PLXNB3: variants seen among roughly 807,000 people sequenced by gnomAD.
The protein encoded by PLXNB3 is plexin-B3.
PLXNB3 carries 80 observed loss-of-function variants against 125.7 expected under a neutral mutation model. The ratio of observed to expected loss-of-function variants is 0.64; its 90% CI spans 0.53 to 0.77. The LOEUF (loss-of-function observed/expected upper bound fraction) is 0.77. Among genes scored for constraint, PLXNB3 ranks in the 30% least tolerant of loss-of-function variants. The pLI is 0.00. For synonymous variants in PLXNB3, 954 were observed against 783.3 expected (o/e 1.22, Z -3.64); for missense variants, 1,836 against 1,729.3 (o/e 1.06, Z -1.09).
Position 153,769,763 on chromosome X carries a change from AGTCTAGGACCCCCACG to A in PLXNB3, c.1497-41_1497-26del, listed in dbSNP as rs1557060883. ...GGCCCCTGTTGCCGGTCATCCTTGG[AGTCTAGGACCCCCACG>A]GTGACCTGATGGACCCCTGCCTGGC... On this transcript the variant is annotated intron_variant, in intron 6 of 35. Transcript: ENST00000361971. 3.4e-6 allele frequency: 4 copies of A among 1,174,291 alleles called. No homozygotes were observed. The South Asian group carries it at 7.5e-5, about 22-fold the overall frequency.
intron 10 of PLXNB3, 50 bp downstream of exon 10, chrX:153,770,692 C>T (rs1569541872): frequency 1.3e-5 from 16 of 1,205,423 alleles, no homozygotes; most frequent in African/African-American, 1.2e-4. Context: ...CTTCTCCACC[C>T]TTCCCAGACC....
Position 153,771,291 on chromosome X carries a change from C to T in PLXNB3, c.2254-19C>T. On this transcript the variant is annotated intron_variant, in intron 12 of 35. Transcript: ENST00000361971. ...TGCCCTGAGTGGGCACCCAGCCTGA[C>T]CCCACACTCTGCCCACAGTTTTATC... is the stretch of plus-strand genomic sequence containing the variant. The T allele has an allele frequency of 8.5e-7, 1 of 1,181,272 alleles. No individual in the cohort carries two copies. The highest frequency in any genetic ancestry group is 1.8e-5 in the South Asian group (1 of 56,406).
chrX:153,776,186 G>A lies in PLXNB3; in HGVS notation c.4701G>A (p.Gln1567=). The change falls in exon 27 of 36, where the codon CAG becomes CAA. Residue 1567 remains glutamine (Q), a synonymous_variant. Transcript: ENST00000361971. Reference sequence around the variant, plus strand: ...TCTACAAGGGCACCCCCTTCTCCCAGAGGCCCTCAGTGCATGCCCTAGACC... The same window carrying A: ...TCTACAAGGGCACCCCCTTCTCCCAAAGGCCCTCAGTGCATGCCCTAGACC... ...DQVYKGTPFS[Q]RPSVHALDLE... The A allele has an allele frequency of 8.4e-7, 1 of 1,187,312 alleles. No homozygotes were observed. The highest frequency in any genetic ancestry group is 1.9e-5 in the South Asian group (1 of 52,922).
At position 153,770,883 on chromosome X, in the gene PLXNB3, A is replaced by T. The variant is rs976894431; in HGVS notation, c.2136A>T (p.Arg712=). 8.3e-6 allele frequency: 10 copies of T among 1,204,202 alleles called. No homozygotes were observed. The highest frequency in any genetic ancestry group is 1.1e-5 in the Non-Finnish European group (10 of 891,014). The part of the protein sequence containing the change: ...ALRVRNLQHF[R]GLPASFHCWL... ...GCGTGCGGAACCTTCAACATTTCCGAGTGAGCCATCAGGAGGGAAGGGGAC... is the reference window on the plus strand; with the variant it reads ...GCGTGCGGAACCTTCAACATTTCCGTGTGAGCCATCAGGAGGGAAGGGGAC... The change falls in exon 11 of 36, where the codon CGA becomes CGT. Residue 712 remains arginine (R), a splice_region_variant and synonymous_variant. Coordinates refer to ENST00000361971, the MANE Select transcript of PLXNB3 (RefSeq NM_005393.3).
In PLXNB3 at chrX:153,775,645, GTA is replaced by G; in HGVS notation, c.4387_4388del (p.Tyr1463ArgfsTer9). 2.5e-6 allele frequency: 3 copies of G among 1,210,294 alleles called. No individual in the cohort carries two copies. The highest frequency in any genetic ancestry group is 3.4e-6 in the Non-Finnish European group (3 of 894,626). ...LLTNWLSICLYAFLREVAGEP... is the reference protein window; with the variant it reads ...LLTNWLSICLXAFLREVAGEP... Reference sequence around the variant, plus strand: ...TCACCAACTGGCTGTCCATCTGCCTGTACGCCTTCCTGAGGGTGAGGGGCACT... The same window carrying G: ...TCACCAACTGGCTGTCCATCTGCCTGCGCCTTCCTGAGGGTGAGGGGCACT... On this transcript the variant is annotated frameshift_variant, in exon 26 of 36. Coordinates refer to ENST00000361971, the MANE Select transcript of PLXNB3 (RefSeq NM_005393.3). LOFTEE classifies it high-confidence loss of function.
At position 153,774,106 on chromosome X, in the gene PLXNB3, C is replaced by T. The variant is rs782482604; in HGVS notation, c.3519+8C>T. 22 of 1,187,015 alleles carry T rather than the reference C, an allele frequency of 1.9e-5. No homozygotes were observed. The highest frequency in any genetic ancestry group is 2.4e-5 in the Non-Finnish European group (21 of 884,614). ...CATGTCCTGGATGTGGAGGTGAGGGCCACCTTCAACCCTGCCCCGCCACGG... is the reference window on the plus strand; with the variant it reads ...CATGTCCTGGATGTGGAGGTGAGGGTCACCTTCAACCCTGCCCCGCCACGG... On this transcript the variant is annotated splice_region_variant and intron_variant, in intron 20 of 35. Transcript: ENST00000361971.
Position 153,774,407 on chromosome X carries a change from G to A in PLXNB3, c.3679-13G>A. On this transcript the variant is annotated splice_polypyrimidine_tract_variant and intron_variant, in intron 21 of 35. Transcript: ENST00000361971. ...CCGCCAGCATGCACTCAGGAACCCT[G>A]CCCGCCCCCCAGGTGCAGATGGGCA... 1 of 1,174,869 alleles carries A rather than the reference G, an allele frequency of 8.5e-7. No homozygotes were observed. The highest frequency in any genetic ancestry group is 1.1e-6 in the Non-Finnish European group (1 of 875,693).
rs781823342 is a variant in PLXNB3 at position 153,769,773 on chromosome X, C to A, written c.1497-34C>A. On this transcript the variant is annotated intron_variant, in intron 6 of 35. Transcript: ENST00000361971. ...GCCGGTCATCCTTGGAGTCTAGGAC[C>A]CCCACGGTGACCTGATGGACCCCTG... 3.4e-6 allele frequency: 4 copies of A among 1,186,747 alleles called. No individual in the cohort carries two copies. In the African/African-American group the frequency reaches 7.0e-5, roughly 21 times the overall value.
intron 17 of PLXNB3, 101 bp from the exon 18 acceptor site, chrX:153,773,129 T>A: frequency 9.3e-7 from 1 of 1,078,493 alleles, no homozygotes; most frequent in Non-Finnish European, 1.2e-6. Flanking sequence ...CCTGCCCTTG[T>A]CAAGGCAGGC....
Position 153,776,073 on chromosome X carries a change from G to C in PLXNB3, c.4588G>C (p.Ala1530Pro), listed in dbSNP as rs1402462072. 1 of 1,194,108 alleles carries C rather than the reference G, an allele frequency of 8.4e-7. No individual in the cohort carries two copies. The highest frequency in any genetic ancestry group is 1.1e-6 in the Non-Finnish European group (1 of 886,903). ...GGTGGGGCCCGGGGCTGGCGGGGCC[G>C]CAGGCAGCAGCGAGATGCAGCGCGT... Reference protein sequence around the residue: ...VLVGPGAGGAAGSSEMQRVPA... With the variant: ...VLVGPGAGGAPGSSEMQRVPA... Residue 1530 changes from alanine (A) to proline (P), a missense_variant, in exon 27 of 36, where the codon GCA becomes CCA. Physicochemically the swap from Ala to Pro is conservative, Grantham distance 27. Coordinates refer to ENST00000361971, the MANE Select transcript of PLXNB3 (RefSeq NM_005393.3).
rs782754359 is a variant in PLXNB3 at position 153,767,533 on chromosome X, G to C, written c.706G>C (p.Gly236Arg). 2.0e-5 allele frequency: 23 copies of C among 1,175,622 alleles called. No individual in the cohort carries two copies. The highest frequency in any genetic ancestry group is 3.0e-5 in the East Asian group (1 of 33,304). Residue 236 changes from glycine (G) to arginine (R), a missense_variant, in exon 3 of 36, where the codon GGG becomes CGG. Transcript: ENST00000361971. Reference sequence around the variant, plus strand: ...CTCCGACTACAACAACAGCTACGTCGGGGCCTTTGCCGACGCCCGCTCCGC... The same window carrying C: ...CTCCGACTACAACAACAGCTACGTCCGGGCCTTTGCCGACGCCCGCTCCGC... ...DFSDYNNSYV[G>R]AFADARSAYF...
In PLXNB3 at chrX:153,773,696, G is replaced by A. The variant is rs186100707; in HGVS notation, c.3262G>A (p.Gly1088Ser). 1.5e-4 allele frequency: 171 copies of A among 1,163,309 alleles called. No homozygotes were observed. The African/African-American group carries it at 2.5e-3, about 17-fold the overall frequency. ...AADPQACIQL[G>S]GGLLQCSTVC... Reference sequence around the variant, plus strand: ...GGACCCCCAGGCTTGTATCCAGCTCGGTGGGGGGCTGCTGCAGGTGAGCCC... The same window carrying A: ...GGACCCCCAGGCTTGTATCCAGCTCAGTGGGGGGCTGCTGCAGGTGAGCCC... The change falls in exon 19 of 36, where the codon GGT (glycine) becomes AGT (serine). Residue 1088 changes from glycine to serine, a missense_variant. Transcript: ENST00000361971.
rs199536649 is a variant in PLXNB3, at chrX:153,777,318, C to G, written c.5038C>G (p.Arg1680Gly). 58 of 1,205,297 alleles carry G rather than the reference C, an allele frequency of 4.8e-5. No homozygotes were observed. The highest frequency in any genetic ancestry group is 6.2e-5 in the Non-Finnish European group (55 of 891,996). The change falls in exon 30 of 36, where the codon CGC becomes GGC. Residue 1680 changes from arginine to glycine, a missense_variant. Coordinates refer to ENST00000361971, the MANE Select transcript of PLXNB3 (RefSeq NM_005393.3). ...GGTGCGGTGCAGCAGCCTGCGGGAG[C>G]GCGAGCCAGCAAGGGCCAAGGCCAT... is the stretch of plus-strand genomic sequence containing the variant. ...AKVRCSSLRE[R>G]EPARAKAIPE...
In PLXNB3 at chrX:153,766,918, C is replaced by G. The variant is rs372269937; in HGVS notation, c.91C>G (p.Leu31Val). The stretch of plus-strand genomic sequence containing the variant: ...GCCTCCCTTCGGCCTCTGCCTCCTC[C>G]TGCTGCTGCTGTCCCCACCGCCACT... The part of the protein sequence containing the change: ...RWPPFGLCLL[L>V]LLLSPPPLPL... Residue 31 changes from leucine (L) to valine (V), a missense_variant, in exon 3 of 36, where the codon CTG becomes GTG. Transcript: ENST00000361971. The G allele has an allele frequency of 1.7e-6, 2 of 1,203,986 alleles. No individual in the cohort carries two copies. Among genetic ancestry groups the G allele is most frequent in the Non-Finnish European group, 2.2e-6 (2 of 892,879 alleles).
chrX:153,766,704 T>C, intron 2 of PLXNB3, 169 bp from the exon 3 acceptor site: 1 of 725,812 alleles, frequency 1.4e-6, no homozygotes. Flanking sequence ...CCTCTCTCTG[T>C]GCCCCCTCTG....
rs782413172 is a variant in PLXNB3 at position 153,776,359 on chromosome X, G to A, written c.4733G>A (p.Trp1578Ter). The change falls in exon 28 of 36, where the codon TGG becomes TAG. Residue 1578 changes from tryptophan to a stop codon, truncating the protein, a stop_gained. Coordinates refer to ENST00000361971, the MANE Select transcript of PLXNB3 (RefSeq NM_005393.3). LOFTEE classifies it high-confidence loss of function. Reference sequence around the variant, plus strand: ...CTGCTTCCCTGACTCCCTCCAGAGTGGCGCTCAGGCCTGGCTGGTCACCTG... The same window carrying A: ...CTGCTTCCCTGACTCCCTCCAGAGTAGCGCTCAGGCCTGGCTGGTCACCTG... ...RPSVHALDLE[W>*]RSGLAGHLTL... 2 of 1,180,777 alleles carry A rather than the reference G, an allele frequency of 1.7e-6. No homozygotes were observed. The highest frequency in any genetic ancestry group is 3.6e-5 in the South Asian group (2 of 55,557).
At chrX:153,765,437 G>A in intron 1 of PLXNB3, 34 bp from the exon 2 acceptor site, 1 of 1,064,709 alleles carries the variant, frequency 9.4e-7, no homozygotes, top group Non-Finnish European at 1.3e-6. Context: ...CAGCTCGAAT[G>A]GGGCTGAGCC....
Position 153,775,955 on chromosome X carries a change from G to A in PLXNB3, c.4470G>A (p.Val1490=). The A allele has an allele frequency of 8.3e-7, 1 of 1,211,340 alleles. No individual in the cohort carries two copies. The highest frequency in any genetic ancestry group is 1.1e-6 in the Non-Finnish European group (1 of 895,466). ...AIQYQVDKGP[V]DAVTGKAKRT... is the part of the protein sequence containing the mutation. The stretch of plus-strand genomic sequence containing the variant: ...AGTACCAGGTGGACAAAGGCCCCGT[G>A]GACGCCGTGACAGGCAAGGCCAAAC... Residue 1490 remains valine (V), a synonymous_variant, in exon 27 of 36, where the codon GTG becomes GTA. Transcript: ENST00000361971.
At chrX:153,768,204 C>T (rs781807625) in intron 3 of PLXNB3, 45 bp from the exon 4 acceptor site, 264 of 1,137,722 alleles carry the variant, frequency 2.3e-4, no homozygotes, top group Non-Finnish European at 3.1e-4. Flanking sequence ...CTGACTGCCT[C>T]TCTGCTCTCT....
Sources: gnomAD v4.1 joint callset for allele counts on GRCh38, gnomAD v4.1.1 for gene constraint, MANE v1.5 for transcripts, NCBI Gene and HGNC (gene_info 2026-07-23, HGNC 2026-07-21) for gene names.